Variants in PCDHA9 observed in about 807,000 individuals in gnomAD.
PCDHA9 encodes protocadherin alpha 9.
PCDHA9 carries 62 observed loss-of-function variants against 62.0 expected under a neutral mutation model. The observed-to-expected ratio is 1.00, with a 90% CI of 0.81 to 1.23. PCDHA9 has a LOEUF of 1.23. PCDHA9 is among the 50% of genes most tolerant of loss of function. PCDHA9 has a pLI of 0.00. For missense variants in PCDHA9, 1,205 were observed against 1,249.8 expected (o/e 0.96, Z 0.54); for synonymous variants, 557 against 567.6 (o/e 0.98, Z 0.27).
rs548394870 is a variant in PCDHA9 at position 140,927,042 on chromosome 5, G to A, written c.2395-51907G>A. ...ACTTGAGGCTGCCAGCGGCCGCTATGTCCTCGCGGAACTTTCGCTTCCTTT... is the reference window on the plus strand; with the variant it reads ...ACTTGAGGCTGCCAGCGGCCGCTATATCCTCGCGGAACTTTCGCTTCCTTT... On this transcript the variant is annotated intron_variant, in intron 1 of 3. Transcript: ENST00000532602. The A allele has an allele frequency of 1.4e-4, 226 of 1,612,386 alleles. 8 individuals are homozygous for A. The South Asian group carries it at 2.4e-3, about 17-fold the overall frequency.
At chr5:140,955,480 C>T (rs940139413) in intron 1 of PCDHA9, among the ~76,000 whole-genome samples, 3 of 152,088 alleles carry the variant, frequency 2.0e-5, no homozygotes, top group African/African-American at 7.2e-5. Flanking sequence ...GGCACCTCTC[C>T]TTCCTGCCAC....
intron 1 of PCDHA9, chr5:140,968,611 G>A: frequency 6.2e-7 from 1 of 1,614,194 alleles, no homozygotes; most frequent in African/African-American, 1.3e-5. Flanking sequence ...CAGACTCTGG[G>A]CAAAATGCTT....
chr5:140,887,540 C>T (rs1039020160), intron 1 of PCDHA9, among the ~76,000 whole-genome samples: 1 of 152,100 alleles, frequency 6.6e-6, no homozygotes. Flanking sequence ...CTCTCCCCAC[C>T]CCTCATGGTT....
intron 1 of PCDHA9, chr5:140,869,217 G>A: frequency 1.2e-6 from 2 of 1,613,842 alleles, no homozygotes; most frequent in South Asian, 1.1e-5. Context: ...TCTCGGAGGA[G>A]GCCAAACACG....
intron 3 of PCDHA9, among the ~76,000 whole-genome samples, chr5:140,997,109 G>A (rs1293025484): frequency 1.3e-5 from 2 of 152,022 alleles, no homozygotes; most frequent in Non-Finnish European, 2.9e-5. Flanking sequence ...ATGCACTCCT[G>A]CTCTCCCACA....
intron 3 of PCDHA9, among the ~76,000 whole-genome samples, chr5:141,002,367 A>T (rs2098076282): frequency 6.6e-6 from 1 of 152,248 alleles, no homozygotes; most frequent in African/African-American, 2.4e-5. Context: ...CTTTCAACTC[A>T]TTCTGGCTTA....
intron 3 of PCDHA9, among the ~76,000 whole-genome samples, chr5:141,006,264 T>C (rs2098264343): frequency 6.6e-6 from 1 of 152,148 alleles, no homozygotes; most frequent in Non-Finnish European, 1.5e-5. Flanking sequence ...CAGGCTGGAC[T>C]GCAGTGGCAC....
chr5:141,000,734 T>A (rs1221425075), intron 3 of PCDHA9, among the ~76,000 whole-genome samples: 4 of 150,588 alleles, frequency 2.7e-5, no homozygotes, highest in Non-Finnish European at 4.4e-5. Flanking sequence ...GGCCCCTATC[T>A]CTGTATATTA....
chr5:140,926,609 G>T, intron 1 of PCDHA9: 1 of 350,856 alleles, frequency 2.9e-6, no homozygotes, highest in Non-Finnish European at 5.0e-6. Flanking sequence ...CCTCGTCTCT[G>T]CACCCCTAGG....
chr5:140,855,911 G>A (rs2043669744), intron 1 of PCDHA9: 4 of 1,166,768 alleles, frequency 3.4e-6, no homozygotes, highest in East Asian at 4.8e-5. Context: ...AGTTTCTCAA[G>A]GACTAGGAAG....
intron 1 of PCDHA9, chr5:140,876,038 G>C: frequency 6.2e-7 from 1 of 1,613,822 alleles, no homozygotes; most frequent in East Asian, 2.2e-5. Flanking sequence ...AAAGATAAAA[G>C]TATATTGCCT....
chr5:140,851,487 C>G (rs1273932978), intron 1 of PCDHA9: 3 of 888,978 alleles, frequency 3.4e-6, no homozygotes, highest in African/African-American at 1.8e-5. Context: ...TAAACACAGC[C>G]TTCATTTCAA....
intron 1 of PCDHA9, chr5:140,869,814 C>A: frequency 2.5e-6 from 4 of 1,612,258 alleles, no homozygotes; most frequent in Non-Finnish European, 3.4e-6. Flanking sequence ...ATGTCAACGA[C>A]AATGATCCAG....
At chr5:140,868,810 G>C (rs944762063) in intron 1 of PCDHA9, 6 of 369,934 alleles carry the variant, frequency 1.6e-5, no homozygotes, top group African/African-American at 1.2e-4. Flanking sequence ...AAGCACGTTG[G>C]AAATATTTGG....
rs1554206636 is a variant in PCDHA9, at chr5:140,929,056, A to G, written c.2395-49893A>G. The G allele has an allele frequency of 1.2e-6, 2 of 1,614,064 alleles. No individual in the cohort carries two copies. Among genetic ancestry groups the G allele is most frequent in the Non-Finnish European group, 1.7e-6 (2 of 1,180,034 alleles). On this transcript the variant is annotated intron_variant, in intron 1 of 3. Transcript: ENST00000532602. ...TTGCGCTCAGAGCTGCTGTCGCTCTACAGAGGATCTGAGGTATGGAAGTAA... is the reference window on the plus strand; with the variant it reads ...TTGCGCTCAGAGCTGCTGTCGCTCTGCAGAGGATCTGAGGTATGGAAGTAA...
At chr5:140,985,945 T>C (rs1432402407) in intron 3 of PCDHA9, among the ~76,000 whole-genome samples, 1 of 152,080 alleles carries the variant, frequency 6.6e-6, no homozygotes, top group Non-Finnish European at 1.5e-5. Flanking sequence ...TTCACTGTGT[T>C]AGCCAGGATG....
chr5:140,876,827 C>G, intron 1 of PCDHA9: 1 of 1,614,182 alleles, frequency 6.2e-7, no homozygotes, highest in Non-Finnish European at 8.5e-7. Flanking sequence ...AACGACAATG[C>G]GCCTGCGTTC....
chr5:140,988,193 A>G (rs528689173), intron 3 of PCDHA9, among the ~76,000 whole-genome samples: 4 of 152,192 alleles, frequency 2.6e-5, no homozygotes, highest in South Asian at 2.1e-4. Flanking sequence ...AGGTGTGTGC[A>G]TATCCTTATT....
chr5:141,008,375 C>T (rs77600037), intron 3 of PCDHA9, among the ~76,000 whole-genome samples: 2,306 of 152,234 alleles, frequency 0.015, 24 homozygotes, highest in Middle Eastern at 0.031. Flanking sequence ...GTGTTAGATA[C>T]ATAAACATTG....
Sources: gnomAD v4.1 joint callset for allele counts (sites outside exome capture counted in the v4.1 genomes callset) on GRCh38, gnomAD v4.1.1 for gene constraint, MANE v1.5 for transcripts, NCBI Gene and HGNC (gene_info 2026-07-23, HGNC 2026-07-21) for gene names.